The following USP47 variants were observed in gnomAD, a reference collection of about 807,000 sequenced individuals.
USP47 encodes ubiquitin carboxyl-terminal hydrolase 47.
Under a neutral mutation model 165.1 loss-of-function variants are expected in USP47, and 35 were observed. The ratio of observed to expected loss-of-function variants is 0.21; its 90% CI spans 0.16 to 0.28. The LOEUF is 0.28. Among genes scored for constraint, USP47 ranks in the 10% least tolerant of loss-of-function variants. The pLI is 1.00. For synonymous variants in USP47, 531 were observed against 544.5 expected (o/e 0.98, Z 0.35); for missense variants, 1,277 against 1,607.4 (o/e 0.79, Z 3.52).
At chr11:11,872,553 A>G (rs2044322258) in intron 1 of USP47, among the ~76,000 whole-genome samples, 1 of 152,210 alleles carries the variant, frequency 6.6e-6, no homozygotes, top group Non-Finnish European at 1.5e-5. Flanking sequence ...AGGGAAAAAT[A>G]TTCCAGGTAC....
At chr11:11,916,731 A>G (rs1259092970) in intron 8 of USP47, among the ~76,000 whole-genome samples, 2 of 152,194 alleles carry the variant, frequency 1.3e-5, no homozygotes, top group Non-Finnish European at 2.9e-5. Context: ...AAAATAAAAC[A>G]GTGGACCAGA....
intron 10 of USP47, among the ~76,000 whole-genome samples, chr11:11,921,506 T>C (rs1264110289): frequency 1.3e-5 from 2 of 151,824 alleles, no homozygotes; most frequent in Non-Finnish European, 3.0e-5. Flanking sequence ...ATAGATGAAG[T>C]AGCTGTTCAT....
intron 1 of USP47, among the ~76,000 whole-genome samples, chr11:11,871,218 G>A (rs767191057): frequency 2.0e-4 from 31 of 152,038 alleles, no homozygotes; most frequent in Admixed American, 6.6e-4. Flanking sequence ...TCTGGTTGGT[G>A]GGCAGCTGGG....
intron 8 of USP47, among the ~76,000 whole-genome samples, chr11:11,909,948 G>A (rs1251988862): frequency 6.6e-6 from 1 of 152,158 alleles, no homozygotes; most frequent in Admixed American, 6.5e-5. Context: ...TTACATGGGT[G>A]ACTCAGCCAC....
At chr11:11,942,259 G>A in intron 19 of USP47, 76 bp from the exon 20 acceptor site, 1 of 1,422,058 alleles carries the variant, frequency 7.0e-7, no homozygotes, top group Non-Finnish European at 9.5e-7. Flanking sequence ...GTGTTGTATT[G>A]ATGCAATATA....
chr11:11,889,085 G>A (rs1851351439), intron 3 of USP47, among the ~76,000 whole-genome samples: 1 of 152,066 alleles, frequency 6.6e-6, no homozygotes, highest in African/African-American at 2.4e-5. Flanking sequence ...CAGGCCCACA[G>A]CCAATATCAA....
At position 11,922,831 on chromosome 11, in the gene USP47, A is replaced by G. The variant is rs1386476150; in HGVS notation, c.1326A>G (p.Glu442=). Residue 442 remains glutamate, a synonymous_variant, in exon 11 of 28, where the codon GAA becomes GAG. Coordinates refer to ENST00000527733, the MANE Select transcript of USP47 (RefSeq NM_001282659.2). ...TCTCCAATGATGATGGTGTTGATGA[A>G]GGAATCTGTCTTGAAACCAATAGTG... ...NDFSNDDGVD[E]GICLETNSGT... 6.2e-7 allele frequency: 1 copy of G among 1,611,866 alleles called. No individual in the cohort carries two copies. The highest frequency in any genetic ancestry group is 1.7e-5 in the Admixed American group (1 of 59,914).
intron 11 of USP47, among the ~76,000 whole-genome samples, chr11:11,926,150 T>G (rs1323390200): frequency 6.6e-6 from 1 of 152,174 alleles, no homozygotes; most frequent in Non-Finnish European, 1.5e-5. Flanking sequence ...GTTCTATAGT[T>G]TTTAGTATCT....
At chr11:11,881,401 A>G (rs1850819930) in intron 2 of USP47, among the ~76,000 whole-genome samples, 1 of 152,132 alleles carries the variant, frequency 6.6e-6, no homozygotes, top group South Asian at 2.1e-4. Context: ...GAGAGGAGAT[A>G]CCAAACTGAT....
At chr11:11,875,033 TTGTGTGTGTGTGTGTGTGTG>T (rs57342188) in intron 1 of USP47, among the ~76,000 whole-genome samples, 4 of 95,356 alleles carry the variant, frequency 4.2e-5, no homozygotes, top group Admixed American at 1.9e-4. Context: ...AATTGACTTA[TTGTGTGTGTGTGTGTGTGTG>T]TGTGTGTGTG....
rs78258754 is a variant in USP47, at chr11:11,916,647, G to C, written c.970-3509G>C. Among the ~76,000 whole-genome samples the C allele has an allele frequency of 6.4e-3, 979 of 151,870 alleles. 28 individuals are homozygous for C. In the East Asian group the frequency reaches 0.075, roughly 12 times the overall value. ...AATGAGATTTTTGTAAAAGTAAAAA[G>C]GATCTCAGAAAAAAAAAATTGAAAG... On this transcript the variant is annotated intron_variant, in intron 8 of 27. Transcript: ENST00000527733.
chr11:11,873,633 A>G (rs1011725098), intron 1 of USP47, among the ~76,000 whole-genome samples: 12 of 152,134 alleles, frequency 7.9e-5, no homozygotes, highest in African/African-American at 2.9e-4. Flanking sequence ...ATAGATTTTT[A>G]GTAACTTTGC....
chr11:11,890,753 A>G (rs190002666), intron 3 of USP47, among the ~76,000 whole-genome samples: 2 of 152,244 alleles, frequency 1.3e-5, no homozygotes, highest in African/African-American at 4.8e-5. Flanking sequence ...AAGACATGGA[A>G]TCAACCTAAA....
intron 3 of USP47, 48 bp downstream of exon 3, chr11:11,884,628 C>T (rs534063291): frequency 1.6e-6 from 2 of 1,273,798 alleles, no homozygotes; most frequent in East Asian, 2.4e-5. Flanking sequence ...TGCACTGTCA[C>T]CTACTACTTG....
chr11:11,945,938 C>A (rs540629391), intron 20 of USP47, among the ~76,000 whole-genome samples: 5 of 144,402 alleles, frequency 3.5e-5, no homozygotes, highest in Admixed American at 1.5e-4. Flanking sequence ...CTGTCCCCCC[C>A]CCAAAAAAAA....
intron 1 of USP47, among the ~76,000 whole-genome samples, chr11:11,851,990 TGCTAGGTTTCTCC>T (rs1367828047): frequency 2.6e-5 from 4 of 152,240 alleles, no homozygotes; most frequent in Non-Finnish European, 5.9e-5. Flanking sequence ...AGAGGGTGTC[TGCTAGGTTTCTCC>T]ACTGTGAAGT....
intron 11 of USP47, among the ~76,000 whole-genome samples, chr11:11,925,818 C>T (rs1854200777): frequency 6.6e-6 from 1 of 151,722 alleles, no homozygotes; most frequent in African/African-American, 2.4e-5. Flanking sequence ...TGCTTTGTTC[C>T]CAATCTTAGA....
At position 11,920,614 on chromosome 11, in the gene USP47, T is replaced by G. The variant is rs1046634950; in HGVS notation, c.1218+120T>G. 3.4e-6 allele frequency: 3 copies of G among 873,894 alleles called. No homozygotes were observed. The African/African-American group carries it at 5.3e-5, about 15-fold the overall frequency. The allele number at this position is 873,894 out of a possible 1,614,324, so 54.1% of individuals were successfully genotyped here. The stretch of plus-strand genomic sequence containing the variant: ...TTGGACTGTCTTCTTGATGGAAACT[T>G]TTTCTTTCTTATTTTCTAATGTGGA... On this transcript the variant is annotated intron_variant, in intron 10 of 27. Transcript: ENST00000527733.
At chr11:11,900,704 A>G (rs963246204) in intron 5 of USP47, among the ~76,000 whole-genome samples, 2 of 152,210 alleles carry the variant, frequency 1.3e-5, no homozygotes, top group African/African-American at 2.4e-5. Flanking sequence ...CTTAGTGACA[A>G]ATTTTACTTA....
Sources: gnomAD v4.1 joint callset for allele counts (sites outside exome capture counted in the v4.1 genomes callset) on GRCh38, gnomAD v4.1.1 for gene constraint, MANE v1.5 for transcripts, NCBI Gene and HGNC (gene_info 2026-07-23, HGNC 2026-07-21) for gene names.